The following SYT1 variants were observed in gnomAD, a reference collection of about 807,000 sequenced individuals.
The protein encoded by SYT1 is synaptotagmin 1.
In SYT1, 8 loss-of-function variants were observed where a neutral mutation model predicts 44.8. That is an observed-to-expected ratio of 0.18 (90% CI 0.10 to 0.32). SYT1 has a LOEUF of 0.32. SYT1 is among the 10% of genes least tolerant of loss of function. The pLI, the probability that SYT1 is intolerant of heterozygous loss-of-function variation, is 1.00. For missense variants in SYT1, 286 were observed against 509.3 expected (o/e 0.56, Z 4.22); for synonymous variants, 154 against 188.8 (o/e 0.82, Z 1.51).
intron 3 of SYT1, among the ~76,000 whole-genome samples, chr12:79,146,523 A>T (rs1026055743): frequency 1.3e-5 from 2 of 152,210 alleles, no homozygotes; most frequent in Non-Finnish European, 2.9e-5. Flanking sequence ...ACACCACAGT[A>T]CAGAGGCCTT....
chr12:79,310,797 C>A (rs1177258163), intron 8 of SYT1, among the ~76,000 whole-genome samples: 1 of 152,156 alleles, frequency 6.6e-6, no homozygotes, highest in East Asian at 1.9e-4. Context: ...GGAGTTCACT[C>A]ATAATTTGGC....
chr12:79,417,984 C>A (rs1307700116), intron 9 of SYT1, among the ~76,000 whole-genome samples: 1 of 152,106 alleles, frequency 6.6e-6, no homozygotes, highest in African/African-American at 2.4e-5. Context: ...AGCTGAAAAA[C>A]CTTACTCTAC....
At chr12:79,030,594 C>T (rs1176646988) in intron 2 of SYT1, among the ~76,000 whole-genome samples, 1 of 151,006 alleles carries the variant, frequency 6.6e-6, no homozygotes, top group Non-Finnish European at 1.5e-5. Flanking sequence ...TTTTCCCACT[C>T]CATCTTCTGG....
chr12:79,344,407 T>C (rs1565917731), intron 8 of SYT1, among the ~76,000 whole-genome samples: 1 of 152,142 alleles, frequency 6.6e-6, no homozygotes, highest in East Asian at 1.9e-4. Context: ...CACATGGTGG[T>C]CCAGTGCTCT....
chr12:79,410,932 C>T (rs951739403), intron 9 of SYT1, among the ~76,000 whole-genome samples: 1 of 152,066 alleles, frequency 6.6e-6, no homozygotes, highest in Non-Finnish European at 1.5e-5. Context: ...TTTTCTTTTT[C>T]TGGATAACTT....
At chr12:79,257,801 G>C (rs1242967822) in intron 4 of SYT1, among the ~76,000 whole-genome samples, 1 of 152,166 alleles carries the variant, frequency 6.6e-6, no homozygotes, top group Non-Finnish European at 1.5e-5. Context: ...AGAAAGAAAA[G>C]CATCTGACTA....
At chr12:79,340,297 C>T (rs908883935) in intron 8 of SYT1, among the ~76,000 whole-genome samples, 32 of 152,116 alleles carry the variant, frequency 2.1e-4, no homozygotes, top group African/African-American at 7.0e-4. Flanking sequence ...TCTTCCTGTC[C>T]ATGAACATGG....
At chr12:79,070,788 G>A (rs1196925041) in intron 3 of SYT1, among the ~76,000 whole-genome samples, 1 of 151,986 alleles carries the variant, frequency 6.6e-6, no homozygotes, top group Non-Finnish European at 1.5e-5. Context: ...TACTACCTGA[G>A]TGACAGATCA....
intron 3 of SYT1, among the ~76,000 whole-genome samples, chr12:79,094,759 A>G (rs982395060): frequency 6.6e-6 from 1 of 151,906 alleles, no homozygotes; most frequent in African/African-American, 2.4e-5. Flanking sequence ...AGAAATTCTT[A>G]TTATGCTCTG....
intron 2 of SYT1, among the ~76,000 whole-genome samples, chr12:79,027,460 A>G (rs968240317): frequency 4.0e-5 from 6 of 151,434 alleles, no homozygotes; most frequent in African/African-American, 1.5e-4. Context: ...TAAAATGTCA[A>G]TGCATATATA....
At chr12:78,928,569 T>C (rs1341168114) in intron 1 of SYT1, among the ~76,000 whole-genome samples, 1 of 152,118 alleles carries the variant, frequency 6.6e-6, no homozygotes, top group Non-Finnish European at 1.5e-5. Flanking sequence ...CCAACATTAC[T>C]ATTGTGCTTT....
intron 3 of SYT1, among the ~76,000 whole-genome samples, chr12:79,213,743 G>T (rs963436159): frequency 1.4e-4 from 21 of 152,242 alleles, no homozygotes; most frequent in Non-Finnish European, 3.1e-4. Context: ...TGGCCAACAT[G>T]GTGAAACTCC....
chr12:78,903,223 TA>T (rs1008882490), intron 1 of SYT1, among the ~76,000 whole-genome samples: 32 of 151,408 alleles, frequency 2.1e-4, no homozygotes, highest in African/African-American at 4.8e-4. Flanking sequence ...TGTTTTATAT[TA>T]AAAAAAGAGA....
intron 3 of SYT1, among the ~76,000 whole-genome samples, chr12:79,179,588 T>TAG (rs1872384726): frequency 6.7e-6 from 1 of 150,242 alleles, no homozygotes; most frequent in African/African-American, 2.4e-5. Flanking sequence ...GATATAGATA[T>TAG]AGATTTTTTT....
rs191342957 is a variant in SYT1, at chr12:78,954,440, G to A, written c.-216-23359G>A. Among the ~76,000 whole-genome samples, 4 of 152,032 alleles carry A rather than the reference G, an allele frequency of 2.6e-5. No homozygotes were observed. The East Asian group carries it at 7.7e-4, about 29-fold the overall frequency. On this transcript the variant is annotated intron_variant, in intron 1 of 10. Coordinates refer to ENST00000261205, the MANE Select transcript of SYT1 (RefSeq NM_005639.3). Reference sequence around the variant, plus strand: ...TAGTAATTTTTTAAATTACCAAAATGATAGCAGGTATTAAGTGACAGTCTT... The same window carrying A: ...TAGTAATTTTTTAAATTACCAAAATAATAGCAGGTATTAAGTGACAGTCTT...
Position 78,956,721 on chromosome 12 carries a change from A to T in SYT1, c.-216-21078A>T, listed in dbSNP as rs138449145. ...AAGGGAGTTTCAAAAAGCTTATGGA[A>T]AATGTAGTTAAAAGATAAAATTAAA... On this transcript the variant is annotated intron_variant, in intron 1 of 10. Coordinates refer to ENST00000261205, the MANE Select transcript of SYT1 (RefSeq NM_005639.3). Among the ~76,000 whole-genome samples the T allele has an allele frequency of 2.7e-3, 412 of 152,226 alleles. 2 individuals are homozygous for T. Among genetic ancestry groups the T allele is most frequent in the African/African-American group, 9.6e-3 (401 of 41,564 alleles).
intron 9 of SYT1, among the ~76,000 whole-genome samples, chr12:79,405,504 A>G (rs140259106): frequency 2.1e-3 from 321 of 152,280 alleles, no homozygotes; most frequent in African/African-American, 7.0e-3. Flanking sequence ...GACTCTTGCT[A>G]TATCTCAGGA....
At chr12:78,950,490 T>A (rs1878906346) in intron 1 of SYT1, among the ~76,000 whole-genome samples, 1 of 152,104 alleles carries the variant, frequency 6.6e-6, no homozygotes, top group South Asian at 2.1e-4. Context: ...TGCCAGGGAC[T>A]TTTTCATATA....
chr12:79,327,981 C>A (rs1380060087), intron 8 of SYT1, among the ~76,000 whole-genome samples: 1 of 151,978 alleles, frequency 6.6e-6, no homozygotes, highest in Non-Finnish European at 1.5e-5. Context: ...ATTTTAGGGC[C>A]TTGAAGGTGG....
Sources: allele counts gnomAD v4.1 joint callset (sites outside exome capture counted in the v4.1 genomes callset), GRCh38; gene constraint gnomAD v4.1.1; transcripts MANE v1.5; gene names NCBI Gene and HGNC (gene_info 2026-07-23, HGNC 2026-07-21).